Variants in LIMCH1 observed in about 807,000 individuals in gnomAD.
LIMCH1 encodes LIM and calponin homology domains-containing protein 1.
In LIMCH1, 113 loss-of-function variants were observed where a neutral mutation model predicts 176.5. The observed-to-expected ratio is 0.64, with a 90% CI of 0.55 to 0.75. LIMCH1 has a LOEUF of 0.75. Among genes scored for constraint, LIMCH1 ranks in the 30% least tolerant of loss-of-function variants. The probability of loss-of-function intolerance (pLI) is 0.00; values close to 1 mark genes in which losing one functional copy is unlikely to be tolerated. For synonymous variants in LIMCH1, 619 were observed against 645.9 expected, an observed-to-expected ratio of 0.96 and a Z score of 0.63; for missense variants, 1,674 against 1,814.9, an observed-to-expected ratio of 0.92 and a Z score of 1.41.
intron 7 of LIMCH1, among the ~76,000 whole-genome samples, chr4:41,623,036 T>A (rs1307396060): frequency 2.6e-5 from 4 of 152,208 alleles, no homozygotes; most frequent in African/African-American, 9.7e-5. Context: ...GCCACCAGCC[T>A]GGCATGTCTA....
At chr4:41,418,333 G>A (rs1316386933) in intron 1 of LIMCH1, among the ~76,000 whole-genome samples, 1 of 152,154 alleles carries the variant, frequency 6.6e-6, no homozygotes, top group Admixed American at 6.5e-5. Flanking sequence ...TTACATCTGC[G>A]TTTTTCTCCA....
intron 3 of LIMCH1, chr4:41,604,186 G>T: frequency 1.0e-6 from 1 of 984,374 alleles, no homozygotes; most frequent in Non-Finnish European, 1.2e-6. Flanking sequence ...AACACAAAAT[G>T]ATCAGGCTCA....
intron 18 of LIMCH1, among the ~76,000 whole-genome samples, chr4:41,656,866 G>C (rs79296534): frequency 0.078 from 11,924 of 152,226 alleles, 681 homozygotes; most frequent in Middle Eastern, 0.18. Flanking sequence ...AACTCCATGT[G>C]AGAAACAGGC....
chr4:41,467,158 T>TATACAC lies in LIMCH1; in HGVS notation c.97-27377_97-27376insTACACA, dbSNP rs1157542568. Reference sequence around the variant, plus strand: ...CCATATATATATGTGTATGTATATATACACACACACACACACACACACACA... The same window carrying TATACAC: ...CCATATATATATGTGTATGTATATATATACACACACACACACACACACACACACACA... On this transcript the variant is annotated intron_variant, in intron 1 of 26. Transcript: ENST00000313860. Among the ~76,000 whole-genome samples, 32 of 143,468 alleles carry TATACAC rather than the reference T, an allele frequency of 2.2e-4. 1 individual carries two copies. Among genetic ancestry groups the TATACAC allele is most frequent in the African/African-American group, 7.9e-4 (31 of 39,068 alleles). 94.1% of individuals were successfully genotyped at this position (143,468 alleles called of 152,430 possible).
intron 3 of LIMCH1, among the ~76,000 whole-genome samples, chr4:41,530,496 C>G (rs1225164738): frequency 6.6e-6 from 1 of 152,112 alleles, no homozygotes; most frequent in Non-Finnish European, 1.5e-5. Context: ...CGGGCTCGGT[C>G]TCTCCTCCAG....
chr4:41,363,751 T>C (rs930851635), intron 1 of LIMCH1, among the ~76,000 whole-genome samples: 1 of 152,032 alleles, frequency 6.6e-6, no homozygotes, highest in Non-Finnish European at 1.5e-5. Flanking sequence ...AGGTGAAAGC[T>C]CTAACGGAGC....
At chr4:41,368,040 A>G (rs1404557348) in intron 1 of LIMCH1, among the ~76,000 whole-genome samples, 1 of 152,196 alleles carries the variant, frequency 6.6e-6, no homozygotes, top group Non-Finnish European at 1.5e-5. Flanking sequence ...TATTGCAATG[A>G]GTACATAGCT....
chr4:41,670,425 A>G (rs1009744586), intron 21 of LIMCH1, among the ~76,000 whole-genome samples: 8 of 152,196 alleles, frequency 5.3e-5, no homozygotes, highest in African/African-American at 1.9e-4. Context: ...ATATCATTCT[A>G]TCATTTTGAG....
intron 1 of LIMCH1, among the ~76,000 whole-genome samples, chr4:41,480,722 C>T (rs576536495): frequency 6.6e-6 from 1 of 152,308 alleles, no homozygotes; most frequent in South Asian, 2.1e-4. Context: ...ATGTAGCCTA[C>T]GAGCTCTCCA....
intron 15 of LIMCH1, 144 bp downstream of exon 15, chr4:41,644,770 C>G: frequency 9.9e-7 from 1 of 1,015,212 alleles, no homozygotes; most frequent in Non-Finnish European, 1.4e-6. Flanking sequence ...AAATGTGGGA[C>G]TCAAAGGAAG....
chr4:41,680,142 C>A, intron 24 of LIMCH1, 44 bp downstream of exon 24: 1 of 1,327,002 alleles, frequency 7.5e-7, no homozygotes, highest in East Asian at 2.4e-5. Context: ...CATCCCAATT[C>A]CTCAAAGTCT....
At chr4:41,690,865 G>A (rs1055794747) in intron 30 of LIMCH1, among the ~76,000 whole-genome samples, 1 of 152,096 alleles carries the variant, frequency 6.6e-6, no homozygotes, top group Non-Finnish European at 1.5e-5. Context: ...ATTCCACAAA[G>A]GACAAGCAAA....
chr4:41,566,029 A>G (rs554874298), intron 1 of LIMCH1, among the ~76,000 whole-genome samples: 34 of 152,308 alleles, frequency 2.2e-4, no homozygotes, highest in African/African-American at 7.2e-4. Flanking sequence ...ACGATCACAA[A>G]ATTAGTAAGA....
intron 1 of LIMCH1, among the ~76,000 whole-genome samples, chr4:41,558,583 A>C (rs1442006632): frequency 2.0e-5 from 3 of 152,066 alleles, no homozygotes; most frequent in African/African-American, 7.2e-5. Flanking sequence ...GAAGAGGCAA[A>C]CCTGAAGTCA....
rs1224539381 is a variant in LIMCH1, at chr4:41,699,810, C to CT, written c.*2626dup. ...TTAATGCAATACATATTATAGTTAT[C>CT]TATACACAGTGTAAGATTTAACAAA... On this transcript the variant is annotated 3_prime_UTR_variant, in exon 32 of 32. Transcript: ENST00000503057. The CT allele has an allele frequency of 2.0e-5, 3 of 152,088 alleles. No individual in the cohort carries two copies. Among genetic ancestry groups the CT allele is most frequent in the Admixed American group, 6.5e-5 (1 of 15,270 alleles). 9.4% of individuals were successfully genotyped at this position (152,088 alleles called of 1,614,324 possible).
intron 17 of LIMCH1, among the ~76,000 whole-genome samples, chr4:41,649,773 T>C (rs551574171): frequency 1.3e-5 from 2 of 152,280 alleles, no homozygotes; most frequent in African/African-American, 4.8e-5. Context: ...CTGCCTCCCC[T>C]CGATGTGAGT....
chr4:41,399,840 ATTTT>A (rs71198650), intron 1 of LIMCH1, among the ~76,000 whole-genome samples: 3 of 114,118 alleles, frequency 2.6e-5, no homozygotes, highest in Admixed American at 8.5e-5. Flanking sequence ...TGCCCGGCTA[ATTTT>A]TTTTTTTTTT....
At chr4:41,448,291 T>G (rs755087589) in intron 1 of LIMCH1, among the ~76,000 whole-genome samples, 7 of 152,168 alleles carry the variant, frequency 4.6e-5, no homozygotes, top group Non-Finnish European at 7.4e-5. Flanking sequence ...ACCAGCAAAA[T>G]CCCACCCCAA....
At chr4:41,629,435 T>A in intron 8 of LIMCH1, 57 bp from the exon 9 acceptor site, 2 of 1,521,900 alleles carry the variant, frequency 1.3e-6, no homozygotes, top group Non-Finnish European at 1.8e-6. Context: ...CTTTGTCTGC[T>A]CCCCTTCCTT....
Sources: allele counts gnomAD v4.1 joint callset (sites outside exome capture counted in the v4.1 genomes callset), GRCh38; gene constraint gnomAD v4.1.1; transcripts MANE v1.5; gene names NCBI Gene and HGNC (gene_info 2026-07-23, HGNC 2026-07-21).